The following ASPH variants were observed in gnomAD, a reference collection of about 807,000 sequenced individuals.
ASPH encodes aspartyl/asparaginyl beta-hydroxylase.
In ASPH, 100 loss-of-function variants were observed where a neutral mutation model predicts 118.4. The observed-to-expected ratio is 0.84, with a 90% CI of 0.72 to 1.00. The LOEUF is 1.00. Ranked by LOEUF, ASPH falls within the 50% of genes least tolerant of loss-of-function variation. The pLI, the probability that ASPH is intolerant of heterozygous loss-of-function variation, is 0.00. For missense variants in ASPH, 920 were observed against 919.5 expected (o/e 1.00, Z -0.01); for synonymous variants, 315 against 325.6 (o/e 0.97, Z 0.35).
chr8:61,676,713 A>G (rs1825586148), intron 3 of ASPH, among the ~76,000 whole-genome samples: 1 of 152,248 alleles, frequency 6.6e-6, no homozygotes, highest in African/African-American at 2.4e-5. Context: ...CAACCTCCAG[A>G]TTTGCTCATT....
chr8:61,567,251 T>C lies in ASPH; in HGVS notation c.1217A>G (p.Gln406Arg), dbSNP rs750531818. 17 of 1,614,156 alleles carry C rather than the reference T, an allele frequency of 1.1e-5. No individual in the cohort carries two copies. The highest frequency in any genetic ancestry group is 1.4e-5 in the Non-Finnish European group (17 of 1,180,016). Residue 406 changes from glutamine (Q) to arginine (R), a missense_variant, in exon 17 of 25, where the codon CAA (glutamine) becomes CGA (arginine). Coordinates refer to ENST00000379454, the MANE Select transcript of ASPH (RefSeq NM_004318.4). Reference protein sequence around the residue: ...EVLRGAIETYQEVASLPDVPA... With the variant: ...EVLRGAIETYREVASLPDVPA... ...GACATCAGGTAGGCTGGCCACCTCT[T>C]GGTAGGTCTCGATGGCTCCACGTAG...
Position 61,526,061 on chromosome 8 carries a change from C to T in ASPH, c.1816G>A (p.Asp606Asn). 3.7e-6 allele frequency: 6 copies of T among 1,614,022 alleles called. No homozygotes were observed. The highest frequency in any genetic ancestry group is 4.2e-6 in the Non-Finnish European group (5 of 1,179,936). Residue 606 changes from aspartate (D) to asparagine (N), a missense_variant, in exon 22 of 25, where the codon GAT becomes AAT. Transcript: ENST00000379454. ...GGCAGGAAGAGACCTTTGGCTTTAT[C>T]CATCACTGCAAGGCCTTCATCTCGG... ...LIRDEGLAVM[D>N]KAKGLFLPED...
chr8:61,556,671 AG>A (rs1464375828), intron 18 of ASPH, among the ~76,000 whole-genome samples: 27 of 152,250 alleles, frequency 1.8e-4, no homozygotes, highest in South Asian at 6.2e-4. Flanking sequence ...AATTATGCAA[AG>A]TGCCTCTAAA....
chr8:61,541,565 T>C (rs1378510144), intron 21 of ASPH, among the ~76,000 whole-genome samples: 1 of 152,198 alleles, frequency 6.6e-6, no homozygotes, highest in Non-Finnish European at 1.5e-5. Context: ...TAGAAGAATA[T>C]CTTGATGTTC....
At chr8:61,675,318 T>A in intron 3 of ASPH, 2 of 917,218 alleles carry the variant, frequency 2.2e-6, no homozygotes, top group South Asian at 1.0e-4. Context: ...TGTTCCCTCT[T>A]GTGTAATATG....
intron 1 of ASPH, among the ~76,000 whole-genome samples, chr8:61,701,951 T>C (rs7015761): frequency 0.18 from 26,842 of 152,210 alleles, 2,486 homozygotes; most frequent in South Asian, 0.34. Context: ...TATTTAGTCA[T>C]TTTAAATGGA....
intron 1 of ASPH, among the ~76,000 whole-genome samples, chr8:61,707,497 G>A (rs1836974475): frequency 6.6e-6 from 1 of 152,214 alleles, no homozygotes; most frequent in Admixed American, 6.5e-5. Flanking sequence ...GGGCAGAACT[G>A]TAAGTTGATA....
intron 10 of ASPH, among the ~76,000 whole-genome samples, chr8:61,639,432 G>A (rs1052219329): frequency 1.3e-5 from 2 of 152,046 alleles, no homozygotes; most frequent in African/African-American, 2.4e-5. Flanking sequence ...GCCAGCCCTC[G>A]CTATATTTTT....
chr8:61,634,226 C>T (rs1056420238), intron 12 of ASPH, among the ~76,000 whole-genome samples: 2 of 152,128 alleles, frequency 1.3e-5, no homozygotes, highest in African/African-American at 2.4e-5. Context: ...AACCCAGTTA[C>T]AATTAAAGAG....
At position 61,625,272 on chromosome 8, in the gene ASPH, C is replaced by T. The variant is rs541480353; in HGVS notation, c.935-6253G>A. ...GTGTAGAAAGAAAAAGGCTCATTGCCGTGAAATAGCAGCAGGCATCGGGCT... is the reference window on the plus strand; with the variant it reads ...GTGTAGAAAGAAAAAGGCTCATTGCTGTGAAATAGCAGCAGGCATCGGGCT... On this transcript the variant is annotated intron_variant, in intron 13 of 24. Coordinates refer to ENST00000379454, the MANE Select transcript of ASPH (RefSeq NM_004318.4). 3.2e-5 allele frequency: 32 copies of T among 985,718 alleles called. 1 individual carries two copies. The highest frequency in any genetic ancestry group is 2.3e-4 in the South Asian group (5 of 21,290). The allele number at this position is 985,718 out of a possible 1,614,324, so 61.1% of individuals were successfully genotyped here.
chr8:61,573,621 C>A (rs13250260), intron 16 of ASPH, among the ~76,000 whole-genome samples: 82,583 of 152,020 alleles, frequency 0.54, 25,982 homozygotes, highest in Non-Finnish European at 0.7. Context: ...GGAAAGGATT[C>A]CCTATTTAAT....
intron 14 of ASPH, among the ~76,000 whole-genome samples, chr8:61,602,906 T>C (rs1050304691): frequency 3.3e-5 from 5 of 151,998 alleles, no homozygotes; most frequent in Non-Finnish European, 7.4e-5. Flanking sequence ...TAAAAAGAAA[T>C]TCACAGCTGG....
At chr8:61,701,152 G>A (rs1284858039) in intron 1 of ASPH, among the ~76,000 whole-genome samples, 17 of 152,132 alleles carry the variant, frequency 1.1e-4, no homozygotes, top group Admixed American at 1.0e-3. Context: ...ACAACTGAAA[G>A]ATAAATAGTA....
At chr8:61,689,356 T>C (rs775391347) in intron 1 of ASPH, among the ~76,000 whole-genome samples, 29 of 152,108 alleles carry the variant, frequency 1.9e-4, no homozygotes, top group Non-Finnish European at 3.8e-4. Flanking sequence ...TTTAAATTCA[T>C]TGTAATTAAC....
intron 8 of ASPH, among the ~76,000 whole-genome samples, chr8:61,643,695 C>T (rs1806431995): frequency 6.6e-6 from 1 of 152,192 alleles, no homozygotes; most frequent in African/African-American, 2.4e-5. Flanking sequence ...AATATTCTTT[C>T]CAGCACCTTA....
rs1828508657 is a variant in ASPH at position 61,682,349 on chromosome 8, C to A, written c.254-1313G>T. On this transcript the variant is annotated intron_variant, in intron 2 of 24. Coordinates refer to ENST00000379454, the MANE Select transcript of ASPH (RefSeq NM_004318.4). ...GGAAATTGGTCCTATCACTTATATT[C>A]TGATGTAGATAATAATTAAATTAGT... The A allele has an allele frequency of 2.2e-6, 3 of 1,352,986 alleles. No homozygotes were observed. The Admixed American group carries it at 5.7e-5, about 26-fold the overall frequency. The allele number at this position is 1,352,986 out of a possible 1,614,324, so 83.8% of individuals were successfully genotyped here.
At chr8:61,625,589 C>G in intron 13 of ASPH, 4 of 983,990 alleles carry the variant, frequency 4.1e-6, no homozygotes, top group Non-Finnish European at 4.8e-6. Context: ...TTCAGCTTTC[C>G]CCTCTCATTT....
rs570736600 is a variant in ASPH, at chr8:61,518,951, T to C, written c.1901-828A>G. 6.6e-4 allele frequency among the ~76,000 whole-genome samples: 101 copies of C among 152,334 alleles called. 1 individual carries two copies. Among genetic ancestry groups the C allele is most frequent in the African/African-American group, 2.3e-3 (94 of 41,578 alleles). On this transcript the variant is annotated intron_variant, in intron 22 of 24. Coordinates refer to ENST00000379454, the MANE Select transcript of ASPH (RefSeq NM_004318.4). ...CATAAGAGACCACTTTTCACCGTGA[T>C]ATGCAATTTACCAGAGAGAGGAACT... is the stretch of plus-strand genomic sequence containing the variant.
rs188818155 is a variant in ASPH at position 61,548,331 on chromosome 8, C to T, written c.1627-123G>A. 5.1e-4 allele frequency: 587 copies of T among 1,157,456 alleles called. 6 individuals are homozygous for T. Among genetic ancestry groups the T allele is most frequent in the Middle Eastern group, 2.9e-4 (1 of 3,404 alleles). The allele number at this position is 1,157,456 out of a possible 1,614,324, so 71.7% of individuals were successfully genotyped here. A position where few individuals can be genotyped will look rare whatever the true frequency, so the allele number is the denominator to read the frequency against. On this transcript the variant is annotated intron_variant, in intron 20 of 24. Transcript: ENST00000379454. ...ACACATTTAAATAAAGAGCTTACTG[C>T]TAGGTACTCAAATCTGTTGAAATCT...
Sources: allele counts gnomAD v4.1 joint callset (sites outside exome capture counted in the v4.1 genomes callset), GRCh38; gene constraint gnomAD v4.1.1; transcripts MANE v1.5; gene names NCBI Gene and HGNC (gene_info 2026-07-23, HGNC 2026-07-21).